The following ADGRG1 variants were observed in gnomAD, a reference collection of about 807,000 sequenced individuals.
The protein encoded by ADGRG1 is 7-transmembrane protein with no EGF-like N-terminal domains-1.
ADGRG1 carries 53 observed loss-of-function variants against 73.5 expected under a neutral mutation model. That is an observed-to-expected ratio of 0.72 (90% confidence interval 0.58 to 0.91). ADGRG1 has a LOEUF of 0.91. Ranked by LOEUF, ADGRG1 falls within the 40% of genes least tolerant of loss-of-function variation. ADGRG1 has a pLI of 0.00. For missense variants in ADGRG1, 795 were observed against 871.8 expected (o/e 0.91, Z 1.11); for synonymous variants, 394 against 374.4 (o/e 1.05, Z -0.60).
At position 57,654,109 on chromosome 16, in the gene ADGRG1, C is replaced by T. The variant is rs749593990; in HGVS notation, c.744C>T (p.Asp248=). The T allele has an allele frequency of 6.2e-7, 1 of 1,613,366 alleles. No individual in the cohort carries two copies. Among genetic ancestry groups the T allele is most frequent in the Non-Finnish European group, 8.5e-7 (1 of 1,180,000 alleles). ...WKLQPTAGLQ[D]LHIHSRQEEE... ...TCCAGCCCACAGCCGGCCTCCAGGA[C>T]CTGCACATCCACTCCCGGCAGGAGG... The change falls in exon 5 of 14, where the codon GAC becomes GAT. Residue 248 remains aspartate (D), a synonymous_variant. Transcript: ENST00000562631.
At chr16:57,628,546 G>A (rs1343372768), upstream of ADGRG1, 2 of 985,440 alleles carry the variant, frequency 2.0e-6, no homozygotes, top group Non-Finnish European at 1.2e-6. Context: ...GTCATCCCCA[G>A]TCAAGCTCAG....
chr16:57,652,802 G>A, intron 3 of ADGRG1: 1 of 1,097,446 alleles, frequency 9.1e-7, no homozygotes, highest in Non-Finnish European at 1.1e-6. Flanking sequence ...ACGCTACCTG[G>A]GCAGAGGGGC....
chr16:57,661,922 G>C lies in ADGRG1; in HGVS notation c.1890G>C (p.Gln630His). 4 of 1,614,228 alleles carry C rather than the reference G, an allele frequency of 2.5e-6. No individual in the cohort carries two copies. Among genetic ancestry groups the C allele is most frequent in the Non-Finnish European group, 2.5e-6 (3 of 1,180,034 alleles). ...IFFSFASGTFQLVVLYLFSII... is the reference protein window; with the variant it reads ...IFFSFASGTFHLVVLYLFSII... ...TCTCCTTTGCTTCTGGCACCTTCCA[G>C]CTTGTCGTCCTCTACCTTTTCAGCA... Residue 630 changes from glutamine (Q) to histidine (H), a missense_variant, in exon 13 of 14, where the codon CAG (glutamine) becomes CAC (histidine). By Grantham distance (24) the Gln-to-His change is conservative (BLOSUM62 0). Coordinates refer to ENST00000562631, the MANE Select transcript of ADGRG1 (RefSeq NM_201525.4).
intron 13 of ADGRG1, chr16:57,663,002 G>A (rs765642491): frequency 4.0e-5 from 39 of 984,702 alleles, no homozygotes; most frequent in East Asian, 2.3e-4. Context: ...TGTGAGATGA[G>A]GGGACTCAGG....
intron 1 of ADGRG1, chr16:57,631,378 T>TG (rs1421376370): frequency 3.0e-6 from 3 of 985,704 alleles, no homozygotes; most frequent in African/African-American, 1.7e-5. Flanking sequence ...AGGTGGGGTC[T>TG]GGGGGGCTGT....
At chr16:57,635,491 A>T (rs2147484079) in intron 1 of ADGRG1, 1 of 985,406 alleles carries the variant, frequency 1.0e-6, no homozygotes, top group East Asian at 1.1e-4. Context: ...GAGATCCTGC[A>T]GCAGGTGGTG....
intron 2 of ADGRG1, 172 bp downstream of exon 2, chr16:57,650,523 T>C: frequency 1.7e-6 from 1 of 596,796 alleles, no homozygotes; most frequent in Non-Finnish European, 2.1e-6. Context: ...GGTGCAGCCC[T>C]GCAGTGCACA....
At chr16:57,646,857 C>G in intron 1 of ADGRG1, 4 of 864,582 alleles carry the variant, frequency 4.6e-6, no homozygotes, top group Non-Finnish European at 5.6e-6. Flanking sequence ...ATTATCATTG[C>G]GGGGGTGTTG....
upstream of ADGRG1, chr16:57,628,248 G>T (rs1177884145): frequency 8.9e-6 from 8 of 897,398 alleles, no homozygotes; most frequent in Non-Finnish European, 1.1e-5. Flanking sequence ...GACCTGGGGG[G>T]TGGGCGGACA....
chr16:57,630,889 G>A (rs907613802), intron 1 of ADGRG1: 81 of 902,926 alleles, frequency 9.0e-5, no homozygotes, highest in South Asian at 2.5e-4. Context: ...TGGGGACCAC[G>A]GGGAGGGTGA....
intron 2 of ADGRG1, among the ~76,000 whole-genome samples, chr16:57,622,298 G>T (rs183803975): frequency 2.0e-5 from 3 of 152,258 alleles, no homozygotes; most frequent in Admixed American, 1.3e-4. Flanking sequence ...CTCATGATTG[G>T]CTATTCAGAG....
intron 1 of ADGRG1, chr16:57,630,111 C>A (rs1365810532): frequency 1.4e-6 from 1 of 718,112 alleles, no homozygotes; most frequent in Non-Finnish European, 1.7e-6. Context: ...GGGAACATGG[C>A]CGTGGGTGAG....
Position 57,651,824 on chromosome 16 carries a change from G to A in ADGRG1, c.487+202G>A, listed in dbSNP as rs909880022. On this transcript the variant is annotated intron_variant, in intron 3 of 13. Coordinates refer to ENST00000562631, the MANE Select transcript of ADGRG1 (RefSeq NM_201525.4). ...ATTACAGGCATGAACCACTGCGCTC[G>A]GCCCCACTGTCCCTTGATGGTTACT... 29 of 1,464,432 alleles carry A rather than the reference G, an allele frequency of 2.0e-5. No homozygotes were observed. The African/African-American group carries it at 2.9e-4, about 15-fold the overall frequency. 90.7% of individuals were successfully genotyped at this position (1,464,432 alleles called of 1,614,324 possible).
intron 1 of ADGRG1, chr16:57,636,213 C>G: frequency 2.0e-6 from 2 of 985,252 alleles, no homozygotes; most frequent in Non-Finnish European, 2.4e-6. Flanking sequence ...CTTTGAGGGT[C>G]TTGGGGGTGG....
intron 10 of ADGRG1, chr16:57,659,036 T>C (rs1447367936): frequency 2.0e-6 from 2 of 984,516 alleles, no homozygotes. Flanking sequence ...AGGTGCACAG[T>C]TGTGCAGACA....
chr16:57,652,227 A>C (rs1457671175), intron 3 of ADGRG1: 2 of 809,380 alleles, frequency 2.5e-6, no homozygotes, highest in East Asian at 1.3e-4. Flanking sequence ...TGAGTGTGAC[A>C]GGTACATGTG....
At chr16:57,644,700 A>G (rs111209691) in intron 1 of ADGRG1, among the ~76,000 whole-genome samples, 2,182 of 113,456 alleles carry the variant, frequency 0.019, 78 homozygotes, top group African/African-American at 0.075. Flanking sequence ...ACACACATGC[A>G]CGGGCACACA....
chr16:57,655,561 G>A (rs2148414134), intron 6 of ADGRG1, 31 bp downstream of exon 6: 1 of 1,612,156 alleles, frequency 6.2e-7, no homozygotes, highest in Non-Finnish European at 8.5e-7. Flanking sequence ...TGCCTCCCAG[G>A]AGAAAGCAGT....
intron 8 of ADGRG1, 66 bp from the exon 9 acceptor site, chr16:57,656,448 G>T: frequency 6.3e-7 from 1 of 1,592,548 alleles, no homozygotes; most frequent in Non-Finnish European, 8.6e-7. Context: ...CGTGCTTTTG[G>T]GGGTGGACAC....
Sources: allele counts gnomAD v4.1 joint callset (sites outside exome capture counted in the v4.1 genomes callset), GRCh38; gene constraint gnomAD v4.1.1; transcripts MANE v1.5; gene names NCBI Gene and HGNC (gene_info 2026-07-23, HGNC 2026-07-21).